The following BCL7A variants were observed in gnomAD, a reference collection of about 807,000 sequenced individuals.
The protein encoded by BCL7A is BAF chromatin remodeling complex subunit BCL7A.
In BCL7A, 11 loss-of-function variants were observed where a neutral mutation model predicts 28.4. That is an observed-to-expected ratio of 0.39 (90% confidence interval 0.24 to 0.64). The LOEUF is 0.64. Ranked by LOEUF, BCL7A falls within the 30% of genes least tolerant of loss-of-function variation. The probability of loss-of-function intolerance (pLI) is 0.50; values close to 1 mark genes in which losing one functional copy is unlikely to be tolerated. For missense variants in BCL7A, 222 were observed against 274.8 expected, an observed-to-expected ratio of 0.81 and a Z score of 1.36; for synonymous variants, 123 against 103.3, an observed-to-expected ratio of 1.19 and a Z score of -1.15.
intron 1 of BCL7A, among the ~76,000 whole-genome samples, chr12:122,030,274 C>T (rs1390336630): frequency 6.6e-6 from 1 of 152,218 alleles, no homozygotes; most frequent in Non-Finnish European, 1.5e-5. Context: ...GGAGGAGCCC[C>T]GGGGTGTCCT....
intron 3 of BCL7A, among the ~76,000 whole-genome samples, chr12:122,041,377 T>C (rs1227651113): frequency 6.6e-6 from 1 of 152,180 alleles, no homozygotes; most frequent in Non-Finnish European, 1.5e-5. Context: ...CTCTTTCTCA[T>C]GTTTACAAAA....
intron 4 of BCL7A, 112 bp downstream of exon 4, chr12:122,044,165 AC>A: frequency 7.7e-7 from 1 of 1,294,916 alleles, no homozygotes; most frequent in Non-Finnish European, 1.0e-6. Flanking sequence ...CAGCAAGGAG[AC>A]AGTAAAGAGA....
At chr12:122,023,281 G>A (rs2135834338) in intron 1 of BCL7A, among the ~76,000 whole-genome samples, 1 of 152,324 alleles carries the variant, frequency 6.6e-6, no homozygotes, top group Non-Finnish European at 1.5e-5. Flanking sequence ...GTCCCGGAGG[G>A]AGAGGAGCCG....
chr12:122,035,288 A>G, intron 2 of BCL7A, 43 bp from the exon 3 acceptor site: 1 of 1,564,536 alleles, frequency 6.4e-7, no homozygotes, highest in Non-Finnish European at 8.8e-7. Context: ...GTGCGCACAC[A>G]CATGATCTGG....
At position 122,059,212 on chromosome 12, in the gene BCL7A, A is replaced by G. The variant is rs765756172; in HGVS notation, c.*49A>G. ...CATGTTCCATGGAAGGTACATCAGC[A>G]ATTAATTCTAGAGCAACTTTGCCCC... On this transcript the variant is annotated 3_prime_UTR_variant, in exon 6 of 6. Transcript: ENST00000261822. The surrounding 1 kb of genome is among the most constrained non-coding windows in gnomAD (Gnocchi z 4.0). 3.9e-6 allele frequency: 6 copies of G among 1,540,196 alleles called. No individual in the cohort carries two copies. Among genetic ancestry groups the G allele is most frequent in the Non-Finnish European group, 5.4e-6 (6 of 1,114,536 alleles).
Position 122,059,010 on chromosome 12 carries a change from T to C in BCL7A, c.562-82T>C, listed in dbSNP as rs1313465037. ...AGCCGCCCCCGCTCGGTTCCTTCCT[T>C]GGCTGACCTTCGGCCTCACGCCTGG... On this transcript the variant is annotated intron_variant, in intron 5 of 5. Transcript: ENST00000261822. The surrounding 1 kb of genome is among the most constrained non-coding windows in gnomAD (Gnocchi z 4.0). 1 of 1,275,870 alleles carries C rather than the reference T, an allele frequency of 7.8e-7. No individual in the cohort carries two copies. The highest frequency in any genetic ancestry group is 1.1e-6 in the Non-Finnish European group (1 of 878,550). The allele number at this position is 1,275,870 out of a possible 1,614,324, so 79.0% of individuals were successfully genotyped here.
intron 3 of BCL7A, among the ~76,000 whole-genome samples, chr12:122,039,107 T>C (rs1202969633): frequency 2.0e-5 from 3 of 151,850 alleles, no homozygotes; most frequent in South Asian, 4.2e-4. Flanking sequence ...CCATCCTGGC[T>C]AACACGGTGA....
intron 4 of BCL7A, among the ~76,000 whole-genome samples, chr12:122,045,079 G>A (rs1472104764): frequency 6.6e-6 from 1 of 151,948 alleles, no homozygotes; most frequent in Non-Finnish European, 1.5e-5. Context: ...AGTGAGTGAG[G>A]AGCTGGAAAA....
At chr12:122,050,979 C>A (rs1234547109) in intron 4 of BCL7A, among the ~76,000 whole-genome samples, 1 of 152,212 alleles carries the variant, frequency 6.6e-6, no homozygotes, top group Non-Finnish European at 1.5e-5. Flanking sequence ...CGGACATGGG[C>A]TTCGTGTGCA....
chr12:122,035,470 G>T, intron 3 of BCL7A, 43 bp downstream of exon 3: 23 of 1,557,280 alleles, frequency 1.5e-5, no homozygotes, highest in Non-Finnish European at 1.9e-5. Flanking sequence ...CCAGCCCGGG[G>T]CCTTGGCCAA....
intron 5 of BCL7A, 143 bp downstream of exon 5, chr12:122,055,069 A>G (rs1480453866): frequency 2.6e-6 from 4 of 1,524,316 alleles, no homozygotes; most frequent in Non-Finnish European, 3.6e-6. Flanking sequence ...CCATTGGGCT[A>G]TGTCCATGAA....
intron 4 of BCL7A, among the ~76,000 whole-genome samples, chr12:122,046,989 C>T (rs1013739015): frequency 3.3e-5 from 5 of 151,540 alleles, no homozygotes; most frequent in Admixed American, 2.0e-4. Context: ...CTGCAACCTC[C>T]GCCTCCCAGG....
intron 1 of BCL7A, among the ~76,000 whole-genome samples, chr12:122,022,483 G>C (rs1883486790): frequency 1.4e-5 from 2 of 145,456 alleles, no homozygotes; most frequent in Non-Finnish European, 1.5e-5. Flanking sequence ...CCCCCGCCGC[G>C]GCGCTCGGCT....
chr12:122,034,190 C>CATATAT (rs55770934), intron 2 of BCL7A, among the ~76,000 whole-genome samples: 16 of 97,600 alleles, frequency 1.6e-4, no homozygotes, highest in East Asian at 4.2e-4. Flanking sequence ...CTGCATCTTT[C>CATATAT]ATATATATAT....
chr12:122,029,206 A>G lies in BCL7A; in HGVS notation c.93-1494A>G, dbSNP rs1883690116. ...TGAGCCGGCACAGTCCTTGGTACAT[A>G]GAAGGCGCTAGGAATGGCCACTGGT... On this transcript the variant is annotated intron_variant, in intron 1 of 5. Coordinates refer to ENST00000261822, the MANE Select transcript of BCL7A (RefSeq NM_001024808.3). The surrounding 1 kb of genome is among the most constrained non-coding windows in gnomAD (Gnocchi z 4.3). Among the ~76,000 whole-genome samples the G allele has an allele frequency of 6.6e-6, 1 of 152,284 alleles. No individual in the cohort carries two copies. Among genetic ancestry groups the G allele is most frequent in the Non-Finnish European group, 1.5e-5 (1 of 68,022 alleles).
chr12:122,022,057 G>A lies in BCL7A; in HGVS notation c.-35G>A. On this transcript the variant is annotated 5_prime_UTR_variant, in exon 1 of 6. Transcript: ENST00000261822. ...GCGGAGCGCGAGCAGGACCCGGCGGGCGCGCTCCCCAGCCTCCGTCTCCCC... is the reference window on the plus strand; with the variant it reads ...GCGGAGCGCGAGCAGGACCCGGCGGACGCGCTCCCCAGCCTCCGTCTCCCC... 6.6e-7 allele frequency: 1 copy of A among 1,526,186 alleles called. No individual in the cohort carries two copies. Among genetic ancestry groups the A allele is most frequent in the Non-Finnish European group, 8.8e-7 (1 of 1,132,358 alleles). The allele number at this position is 1,526,186 out of a possible 1,614,324, so 94.5% of individuals were successfully genotyped here.
At chr12:122,032,776 G>T (rs979384105) in intron 2 of BCL7A, among the ~76,000 whole-genome samples, 13 of 152,152 alleles carry the variant, frequency 8.5e-5, no homozygotes, top group Non-Finnish European at 1.5e-5. Context: ...CACTGTGCCG[G>T]CTGTGCAGAC....
At chr12:122,024,264 C>A (rs1156688078) in intron 1 of BCL7A, among the ~76,000 whole-genome samples, 3 of 152,174 alleles carry the variant, frequency 2.0e-5, no homozygotes, top group Non-Finnish European at 4.4e-5. Context: ...GTTGCCGCGA[C>A]CTTGGGCATA....
At chr12:122,034,002 A>AC (rs1360014298) in intron 2 of BCL7A, among the ~76,000 whole-genome samples, 3 of 149,550 alleles carry the variant, frequency 2.0e-5, no homozygotes, top group South Asian at 2.1e-4. Context: ...CCCTGCATGC[A>AC]CCCCCCATCC....
Sources: gnomAD v4.1 joint callset for allele counts (sites outside exome capture counted in the v4.1 genomes callset) on GRCh38, gnomAD v4.1.1 for gene constraint, Gnocchi (gnomAD v3.1) non-coding constraint, MANE v1.5 for transcripts, NCBI Gene and HGNC (gene_info 2026-07-23, HGNC 2026-07-21) for gene names.